ATP2A2: variants seen among roughly 807,000 people sequenced by gnomAD.
The protein encoded by ATP2A2 is ATPase sarcoplasmic/endoplasmic reticulum Ca2+ transporting 2, also known as sarcoplasmic/endoplasmic reticulum calcium ATPase 2.
A neutral mutation model predicts 109.3 loss-of-function variants in ATP2A2; 14 were observed. The ratio of observed to expected loss-of-function variants is 0.13; its 90% CI spans 0.08 to 0.20. The LOEUF is 0.20. ATP2A2 is among the 10% of genes least tolerant of loss of function. ATP2A2 has a pLI of 1.00. For missense variants in ATP2A2, 657 were observed against 1,321.6 expected (o/e 0.50, Z 7.80); for synonymous variants, 506 against 490.9 (o/e 1.03, Z -0.41).
At chr12:110,324,879 C>G (rs1393285909) in intron 6 of ATP2A2, among the ~76,000 whole-genome samples, 1 of 149,802 alleles carries the variant, frequency 6.7e-6, no homozygotes, top group Non-Finnish European at 1.5e-5. Context: ...CCCAGTGGCG[C>G]GATCTCAGCT....
chr12:110,286,096 G>A (rs1212554285), intron 3 of ATP2A2, among the ~76,000 whole-genome samples: 3 of 151,884 alleles, frequency 2.0e-5, no homozygotes, highest in African/African-American at 7.3e-5. Flanking sequence ...GCTAATTTTT[G>A]TATTTTTAGT....
Position 110,348,767 on chromosome 12 carries a change from G to C in ATP2A2, c.*2297G>C, listed in dbSNP as rs1459938129. 1 of 985,536 alleles carries C rather than the reference G, an allele frequency of 1.0e-6. No individual in the cohort carries two copies. Among genetic ancestry groups the C allele is most frequent in the Non-Finnish European group, 1.2e-6 (1 of 830,022 alleles). The allele number at this position is 985,536 out of a possible 1,614,324, so 61.0% of individuals were successfully genotyped here. ...CGCAGGCAGCTGTGGCTCTCGGGAAGGGAGGCTGCTTTGCCCAGCAGGGAA... is the reference window on the plus strand; with the variant it reads ...CGCAGGCAGCTGTGGCTCTCGGGAACGGAGGCTGCTTTGCCCAGCAGGGAA... On this transcript the variant is annotated 3_prime_UTR_variant, in exon 20 of 20. Transcript: ENST00000539276.
At position 110,346,441 on chromosome 12, in the gene ATP2A2, A is replaced by T; in HGVS notation, c.3100A>T (p.Thr1034Ser). Residue 1034 changes from threonine to serine, a missense_variant, in exon 20 of 20, where the codon ACT becomes TCT. Thr to Ser is a moderately conservative substitution (Grantham distance 58). Transcript: ENST00000539276. The stretch of plus-strand genomic sequence containing the variant: ...GGTGATCTGGGTCTATAGCACAGAC[A>T]CTAACTTTAGCGATATGTTCTGGTC... ...PLVIWVYSTDTNFSDMFWS is the reference protein window; with the variant it reads ...PLVIWVYSTDSNFSDMFWS The T allele has an allele frequency of 6.2e-7, 1 of 1,614,238 alleles. No individual in the cohort carries two copies. The highest frequency in any genetic ancestry group is 8.5e-7 in the Non-Finnish European group (1 of 1,180,040).
chr12:110,288,404 CTTTTT>C (rs796752514), intron 3 of ATP2A2, among the ~76,000 whole-genome samples: 2 of 145,058 alleles, frequency 1.4e-5, no homozygotes, highest in Non-Finnish European at 3.0e-5. Context: ...ACAGATAATT[CTTTTT>C]TTTTTTTTCC....
At chr12:110,287,145 C>G (rs577676289) in intron 3 of ATP2A2, among the ~76,000 whole-genome samples, 2 of 152,160 alleles carry the variant, frequency 1.3e-5, no homozygotes, top group Admixed American at 6.5e-5. Context: ...CCCAGCTACT[C>G]AGGAGGCTGA....
At chr12:110,290,330 C>T (rs1189718215) in intron 3 of ATP2A2, among the ~76,000 whole-genome samples, 1 of 152,102 alleles carries the variant, frequency 6.6e-6, no homozygotes, top group Non-Finnish European at 1.5e-5. Flanking sequence ...CCACTGTTCC[C>T]GGCCTAGAAT....
At chr12:110,295,781 A>G (rs968410024) in intron 4 of ATP2A2, among the ~76,000 whole-genome samples, 7 of 152,226 alleles carry the variant, frequency 4.6e-5, no homozygotes, top group African/African-American at 1.7e-4. Flanking sequence ...TAGTTCATAT[A>G]TGATGTCATG....
At chr12:110,332,905 G>C (rs1441785977) in intron 9 of ATP2A2, among the ~76,000 whole-genome samples, 1 of 152,354 alleles carries the variant, frequency 6.6e-6, no homozygotes, top group East Asian at 1.9e-4. Context: ...AAACTTTCAA[G>C]AGGGATTTGT....
chr12:110,310,255 G>T (rs1461127105), intron 5 of ATP2A2, among the ~76,000 whole-genome samples: 1 of 151,694 alleles, frequency 6.6e-6, no homozygotes, highest in African/African-American at 2.4e-5. Context: ...CCAAAGTGCT[G>T]GGATTACAGG....
chr12:110,308,547 A>G (rs1195353209), intron 5 of ATP2A2, among the ~76,000 whole-genome samples: 2 of 152,230 alleles, frequency 1.3e-5, no homozygotes, highest in East Asian at 3.8e-4. Flanking sequence ...CAACTATTAT[A>G]TGGAACATTT....
intron 5 of ATP2A2, among the ~76,000 whole-genome samples, chr12:110,297,541 C>G (rs1037345503): frequency 3.3e-5 from 5 of 152,038 alleles, no homozygotes; most frequent in Admixed American, 2.0e-4. Context: ...CATGAATCCA[C>G]TGTGAGTCCA....
At chr12:110,288,632 T>C (rs553829229) in intron 3 of ATP2A2, among the ~76,000 whole-genome samples, 2 of 152,296 alleles carry the variant, frequency 1.3e-5, no homozygotes, top group African/African-American at 4.8e-5. Flanking sequence ...CTTGAACTCC[T>C]GACCTCAGGT....
chr12:110,307,495 A>G (rs1875494375), intron 5 of ATP2A2, among the ~76,000 whole-genome samples: 1 of 151,952 alleles, frequency 6.6e-6, no homozygotes, highest in African/African-American at 2.4e-5. Context: ...CAGCTTCCCA[A>G]AGTGCTGGGA....
chr12:110,349,262 C>G lies in ATP2A2; in HGVS notation c.*2792C>G. On this transcript the variant is annotated 3_prime_UTR_variant, in exon 20 of 20. Coordinates refer to ENST00000539276, the MANE Select transcript of ATP2A2 (RefSeq NM_170665.4). ...CGTGGTCTTGGCACATCCCTGGCCT[C>G]AGGCCCTCACCTAACAGTGAGGCAG... 1 of 985,580 alleles carries G rather than the reference C, an allele frequency of 1.0e-6. No individual in the cohort carries two copies. Among genetic ancestry groups the G allele is most frequent in the Non-Finnish European group, 1.2e-6 (1 of 830,016 alleles). The allele number at this position is 985,580 out of a possible 1,614,324, so 61.1% of individuals were successfully genotyped here. A position where few individuals can be genotyped will look rare whatever the true frequency, so the allele number is the denominator to read the frequency against.
At chr12:110,285,397 G>A (rs534442088) in intron 3 of ATP2A2, among the ~76,000 whole-genome samples, 24 of 152,194 alleles carry the variant, frequency 1.6e-4, no homozygotes, top group African/African-American at 5.5e-4. Context: ...TACCAACTTT[G>A]TTCTAAATGT....
In ATP2A2 at chr12:110,316,534, TG is replaced by T. The variant is rs545691516; in HGVS notation, c.464-6457del. On this transcript the variant is annotated intron_variant, in intron 5 of 19. Transcript: ENST00000539276. ...CTACATGTATACTAAAGGAAATATG[TG>T]TGCCAAATGCTTTATTCATTGACAG... Among the ~76,000 whole-genome samples, 64 of 152,348 alleles carry T rather than the reference TG, an allele frequency of 4.2e-4. No individual in the cohort carries two copies. The South Asian group carries it at 6.4e-3, about 15-fold the overall frequency.
Position 110,342,193 on chromosome 12 carries a change from C to T in ATP2A2, c.2098-35C>T. The T allele has an allele frequency of 6.2e-7, 1 of 1,611,772 alleles. No individual in the cohort carries two copies. ...GCCTAGGGGTATGAATGTGGCATGC[C>T]AGTTGGCTGACCCAACCATTGCTTT... On this transcript the variant is annotated intron_variant, in intron 14 of 19. Coordinates refer to ENST00000539276, the MANE Select transcript of ATP2A2 (RefSeq NM_170665.4). This position sits in a 1 kb window ranked among gnomAD's most constrained non-coding sequence, Gnocchi z 4.6.
chr12:110,323,121 T>A (rs1214680273), intron 6 of ATP2A2, 49 bp downstream of exon 6: 2 of 1,396,038 alleles, frequency 1.4e-6, no homozygotes, highest in South Asian at 2.3e-5. Flanking sequence ...CTTCGCATAT[T>A]CCATGCCAAT....
chr12:110,343,374 C>T lies in ATP2A2; in HGVS notation c.2461C>T (p.Arg821Trp). The part of the protein sequence containing the change: ...PDLDIMNKPP[R>W]NPKEPLISGW... ...TCTGGACATCATGAATAAACCTCCC[C>T]GGAACCCAAAGGAACCATTGATCAG... is the stretch of plus-strand genomic sequence containing the variant. The change falls in exon 16 of 20, where the codon CGG becomes TGG. Residue 821 changes from arginine (R) to tryptophan (W), a missense_variant. By Grantham distance (101) the Arg-to-Trp change is moderately radical. This residue lies in a region of ATP2A2 where 125 missense variants were observed against 243.5 expected (regional missense o/e 0.51). Transcript: ENST00000539276. 1.2e-6 allele frequency: 2 copies of T among 1,614,192 alleles called. No individual in the cohort carries two copies. The highest frequency in any genetic ancestry group is 1.7e-6 in the Non-Finnish European group (2 of 1,180,036).
Sources: allele counts gnomAD v4.1 joint callset (sites outside exome capture counted in the v4.1 genomes callset), GRCh38; gene constraint gnomAD v4.1.1; regional missense constraint gnomAD v4.1.1; non-coding constraint Gnocchi (gnomAD v3.1); transcripts MANE v1.5; gene names NCBI Gene and HGNC (gene_info 2026-07-23, HGNC 2026-07-21).